ZSCAN30: variants seen among roughly 807,000 people sequenced by gnomAD.
The protein encoded by ZSCAN30 is zinc finger and SCAN domain-containing protein 30.
ZSCAN30 carries 37 observed loss-of-function variants against 44.3 expected under a neutral mutation model. The observed-to-expected ratio is 0.84, with a 90% confidence interval of 0.64 to 1.10. The LOEUF is 1.10. Among genes scored for constraint, ZSCAN30 ranks in the 50% least tolerant of loss-of-function variants. ZSCAN30 has a pLI of 0.00. For missense variants in ZSCAN30, 549 were observed against 582.6 expected (o/e 0.94, Z 0.59); for synonymous variants, 181 against 204.6 (o/e 0.88, Z 0.98).
intron 1 of ZSCAN30, among the ~76,000 whole-genome samples, chr18:35,286,904 T>A (rs542287386): frequency 1.3e-5 from 2 of 152,298 alleles, no homozygotes; most frequent in East Asian, 3.9e-4. Flanking sequence ...ACTGATCTCA[T>A]ATGTAGAATA....
In ZSCAN30 at chr18:35,253,845, T is replaced by C. The variant is rs748918061; in HGVS notation, c.1090A>G (p.Lys364Glu). Residue 364 changes from lysine (K) to glutamate (E), a missense_variant, in exon 4 of 4, where the codon AAA (lysine) becomes GAA (glutamate). By Grantham distance (56) the Lys-to-Glu change is moderately conservative. Coordinates refer to ENST00000333206, the MANE Select transcript of ZSCAN30 (RefSeq NM_001112734.4). ...EKPYECCECG[K>E]AFRGSSELIR... ...AGCTCTGAACTGCCCCTGAAGGCTTTTCCACATTCACAACATTCATAGGGT... is the reference window on the plus strand; with the variant it reads ...AGCTCTGAACTGCCCCTGAAGGCTTCTCCACATTCACAACATTCATAGGGT... The C allele has an allele frequency of 2.4e-5, 38 of 1,614,110 alleles. No homozygotes were observed. The highest frequency in any genetic ancestry group is 3.0e-5 in the Non-Finnish European group (35 of 1,180,044).
intron 1 of ZSCAN30, among the ~76,000 whole-genome samples, chr18:35,271,747 C>A (rs537674367): frequency 1.3e-5 from 2 of 152,182 alleles, no homozygotes; most frequent in Non-Finnish European, 2.9e-5. Flanking sequence ...GAGCCCATTG[C>A]GGGGAGGGGG....
intron 1 of ZSCAN30, among the ~76,000 whole-genome samples, chr18:35,288,572 T>C (rs916205806): frequency 6.6e-6 from 1 of 152,190 alleles, no homozygotes. Context: ...GAACTGGTGA[T>C]TGGATAAACA....
intron 1 of ZSCAN30, among the ~76,000 whole-genome samples, chr18:35,280,671 AG>A (rs1296147432): frequency 1.3e-5 from 2 of 152,252 alleles, no homozygotes; most frequent in African/African-American, 4.8e-5. Context: ...TCTGAGTTTT[AG>A]GAAGTCAGTG....
At chr18:35,271,793 C>G (rs965751221) in intron 1 of ZSCAN30, among the ~76,000 whole-genome samples, 13 of 152,216 alleles carry the variant, frequency 8.5e-5, no homozygotes, top group African/African-American at 3.1e-4. Context: ...GTCCTAAGCC[C>G]TGCCCCATGG....
chr18:35,271,339 C>T (rs1384159962), intron 1 of ZSCAN30, among the ~76,000 whole-genome samples: 1 of 152,156 alleles, frequency 6.6e-6, no homozygotes, highest in East Asian at 1.9e-4. Context: ...CTGAGCTAGA[C>T]ACAGAGTGCT....
intron 3 of ZSCAN30, chr18:35,255,041 C>T (rs1424789355): frequency 1.3e-5 from 2 of 153,406 alleles, no homozygotes; most frequent in East Asian, 2.0e-4. Flanking sequence ...AAATTTTGCA[C>T]TTAAATCATC....
intron 1 of ZSCAN30, chr18:35,282,642 T>C (rs920996964): frequency 6.6e-6 from 1 of 152,204 alleles, no homozygotes; most frequent in African/African-American, 2.4e-5. Flanking sequence ...TTGTAGCAGC[T>C]TGGCCTGCAA....
chr18:35,263,912 T>C (rs940315367), intron 2 of ZSCAN30, 33 bp downstream of exon 2: 2 of 1,597,488 alleles, frequency 1.3e-6, no homozygotes, highest in South Asian at 1.1e-5. Flanking sequence ...TAACTTACAA[T>C]AGATCAAACA....
At chr18:35,261,445 G>GT (rs1236643972) in intron 3 of ZSCAN30, 1 of 152,176 alleles carries the variant, frequency 6.6e-6, no homozygotes, top group Non-Finnish European at 1.5e-5. Flanking sequence ...ACTTTGGGCA[G>GT]TATGGCCATT....
chr18:35,274,139 C>G (rs1282976416), intron 1 of ZSCAN30, among the ~76,000 whole-genome samples: 1 of 152,142 alleles, frequency 6.6e-6, no homozygotes, highest in Non-Finnish European at 1.5e-5. Context: ...CCTCAGCCTC[C>G]CAAGTAGCTG....
intron 1 of ZSCAN30, among the ~76,000 whole-genome samples, chr18:35,275,575 T>C (rs1368512400): frequency 6.6e-6 from 1 of 152,214 alleles, no homozygotes; most frequent in African/African-American, 2.4e-5. Flanking sequence ...TCTAAAGACC[T>C]ATTCTTCCAC....
chr18:35,253,590 AT>A lies in ZSCAN30; in HGVS notation c.1344del (p.Lys448AsnfsTer102). The A allele has an allele frequency of 6.2e-7, 1 of 1,611,766 alleles. No individual in the cohort carries two copies. Among genetic ancestry groups the A allele is most frequent in the South Asian group, 1.1e-5 (1 of 90,940 alleles). On this transcript the variant is annotated frameshift_variant, in exon 4 of 4. Transcript: ENST00000333206. LOFTEE classifies it high-confidence loss of function. ...EKPYECNECG[K>X]SFNQSSALTQ... ...GTGAGGGCTGAGCTCTGATTGAAGG[AT>A]TTTCCACATTCATTACATTCATAAG... is the stretch of plus-strand genomic sequence containing the variant.
rs747470457 is a variant in ZSCAN30, at chr18:35,253,737, G to C, written c.1198C>G (p.Leu400Val). The change falls in exon 4 of 4, where the codon CTT (leucine) becomes GTT (valine). Residue 400 changes from leucine (L) to valine (V), a missense_variant. Leu to Val is a conservative substitution (Grantham distance 32, BLOSUM62 1). Transcript: ENST00000333206. ...GTGTGAATTTTCTTATGCTGAATAA[G>C]GGCTGAGCTCCGGCTGAAGGCCTTC... ...CGKAFSRSSALIQHKKIHTGD... is the reference protein window; with the variant it reads ...CGKAFSRSSAVIQHKKIHTGD... The C allele has an allele frequency of 6.2e-7, 1 of 1,614,110 alleles. No homozygotes were observed. Among genetic ancestry groups the C allele is most frequent in the Admixed American group, 1.7e-5 (1 of 60,010 alleles).
chr18:35,271,512 T>C (rs192157175), intron 1 of ZSCAN30, among the ~76,000 whole-genome samples: 3 of 152,242 alleles, frequency 2.0e-5, no homozygotes, highest in African/African-American at 4.8e-5. Flanking sequence ...AGAGTGCTGA[T>C]TGGTGCATAT....
At chr18:35,268,399 T>A (rs2044207496) in intron 1 of ZSCAN30, 1 of 152,188 alleles carries the variant, frequency 6.6e-6, no homozygotes, top group African/African-American at 2.4e-5. Flanking sequence ...CAAAATGTAA[T>A]AATCTGTGAA....
rs1407115500 is a variant in ZSCAN30, at chr18:35,253,076, T to G, written c.*374A>C. ...ATACAAATGCTCTTGCCAGGCACAT[T>G]TGCCATCTTATAAGAAGCTCTTTCA... On this transcript the variant is annotated 3_prime_UTR_variant, in exon 4 of 4. Transcript: ENST00000333206. 1 of 174,162 alleles carries G rather than the reference T, an allele frequency of 5.7e-6. No individual in the cohort carries two copies. The highest frequency in any genetic ancestry group is 2.4e-5 in the African/African-American group (1 of 42,184). The allele number at this position is 174,162 out of a possible 1,614,324, so 10.8% of individuals were successfully genotyped here.
chr18:35,277,736 A>G (rs1176695851), intron 1 of ZSCAN30, among the ~76,000 whole-genome samples: 1 of 152,174 alleles, frequency 6.6e-6, no homozygotes, highest in Admixed American at 6.5e-5. Flanking sequence ...CTAATACAGT[A>G]GGCTATACCA....
rs910022405 is a variant in ZSCAN30 at position 35,271,937 on chromosome 18, C to G, written c.-103-7482G>C. The stretch of plus-strand genomic sequence containing the variant: ...GGGCCGGCGGCGCTGGCCGGCCGCT[C>G]CAAGTGCGGGGCCCGCCGAGCCCGC... On this transcript the variant is annotated intron_variant, in intron 1 of 3. Coordinates refer to ENST00000333206, the MANE Select transcript of ZSCAN30 (RefSeq NM_001112734.4). Among the ~76,000 whole-genome samples, 8 of 152,180 alleles carry G rather than the reference C, an allele frequency of 5.3e-5. No individual in the cohort carries two copies. The South Asian group carries it at 1.0e-3, about 20-fold the overall frequency.
Sources: allele counts gnomAD v4.1 joint callset (sites outside exome capture counted in the v4.1 genomes callset), GRCh38; gene constraint gnomAD v4.1.1; transcripts MANE v1.5; gene names NCBI Gene and HGNC (gene_info 2026-07-23, HGNC 2026-07-21).